Variants in EPHA3 observed in about 807,000 individuals in gnomAD.
The protein encoded by EPHA3 is ephrin type-A receptor 3.
EPHA3 carries 42 observed loss-of-function variants against 107.1 expected under a neutral mutation model. That is an observed-to-expected ratio of 0.39 (90% confidence interval 0.31 to 0.51). EPHA3 has a LOEUF of 0.51. EPHA3 is among the 20% of genes least tolerant of loss of function. The pLI is 0.78. For synonymous variants in EPHA3, 461 were observed against 424.8 expected (o/e 1.09, Z -1.05); for missense variants, 1,183 against 1,211.2 (o/e 0.98, Z 0.35).
chr3:89,403,923 A>T lies in EPHA3; in HGVS notation c.1595-3346A>T, dbSNP rs1473996214. ...CTCATATAGTAGGTACTCACTGTGCATGTGTGTTGTGTTTAAACAAATAGT... is the reference window on the plus strand; with the variant it reads ...CTCATATAGTAGGTACTCACTGTGCTTGTGTGTTGTGTTTAAACAAATAGT... On this transcript the variant is annotated intron_variant, in intron 7 of 16. Transcript: ENST00000336596. Among the ~76,000 whole-genome samples the T allele has an allele frequency of 2.6e-5, 4 of 152,188 alleles. No individual in the cohort carries two copies. The South Asian group carries it at 8.3e-4, about 31-fold the overall frequency.
chr3:89,133,144 T>A (rs776801111), intron 2 of EPHA3, among the ~76,000 whole-genome samples: 26 of 152,188 alleles, frequency 1.7e-4, no homozygotes, highest in Non-Finnish European at 3.4e-4. Flanking sequence ...CATGTCTCCT[T>A]AAATCTCAGT....
chr3:89,468,255 A>ATTTTTTT (rs35497321), intron 15 of EPHA3, among the ~76,000 whole-genome samples: 1 of 150,538 alleles, frequency 6.6e-6, no homozygotes, highest in Non-Finnish European at 1.5e-5. Flanking sequence ...AAATTAGGTC[A>ATTTTTTT]TTTTTTTTTG....
intron 3 of EPHA3, among the ~76,000 whole-genome samples, chr3:89,336,226 G>A (rs185565605): frequency 1.3e-5 from 2 of 152,248 alleles, no homozygotes; most frequent in South Asian, 4.1e-4. Context: ...TTAAATGAGA[G>A]AAATGTGTAG....
chr3:89,253,873 G>A (rs1322648236), intron 3 of EPHA3, among the ~76,000 whole-genome samples: 1 of 151,716 alleles, frequency 6.6e-6, no homozygotes, highest in Non-Finnish European at 1.5e-5. Flanking sequence ...TCATGATCTT[G>A]CATTTTGATC....
At chr3:89,234,939 C>T (rs1438505604) in intron 3 of EPHA3, among the ~76,000 whole-genome samples, 1 of 144,650 alleles carries the variant, frequency 6.9e-6, no homozygotes, top group Non-Finnish European at 1.5e-5. Context: ...CTTCCTTCCT[C>T]CCTCTCTCCC....
chr3:89,152,157 A>G (rs912298105), intron 2 of EPHA3, among the ~76,000 whole-genome samples: 2 of 152,116 alleles, frequency 1.3e-5, no homozygotes, highest in African/African-American at 4.8e-5. Context: ...CATCAACATT[A>G]TGGTGTCCTT....
chr3:89,435,355 T>G (rs1307138241), intron 13 of EPHA3, among the ~76,000 whole-genome samples: 1 of 150,626 alleles, frequency 6.6e-6, no homozygotes. Flanking sequence ...ATCTTGACAC[T>G]TCGAGAGGCC....
intron 5 of EPHA3, among the ~76,000 whole-genome samples, chr3:89,391,323 G>T (rs1449257264): frequency 6.6e-6 from 1 of 151,772 alleles, no homozygotes; most frequent in Non-Finnish European, 1.5e-5. Flanking sequence ...TCAGCTGTGT[G>T]ATGCATAAGC....
chr3:89,310,267 AG>A (rs1278858845), intron 3 of EPHA3, among the ~76,000 whole-genome samples: 1 of 152,100 alleles, frequency 6.6e-6, no homozygotes, highest in Non-Finnish European at 1.5e-5. Flanking sequence ...TGTAAGGGAT[AG>A]GAAAAAGATA....
chr3:89,385,526 T>A (rs575681511), intron 5 of EPHA3, among the ~76,000 whole-genome samples: 1 of 152,322 alleles, frequency 6.6e-6, no homozygotes, highest in East Asian at 1.9e-4. Context: ...CTGCCATGAT[T>A]GTAAATTTCC....
intron 9 of EPHA3, among the ~76,000 whole-genome samples, chr3:89,409,008 T>C (rs1237791370): frequency 6.6e-6 from 1 of 152,076 alleles, no homozygotes; most frequent in Non-Finnish European, 1.5e-5. Context: ...ATGATAGCTT[T>C]AGTTGTAACT....
At chr3:89,431,998 TA>T (rs1392677248) in intron 13 of EPHA3, among the ~76,000 whole-genome samples, 4 of 152,170 alleles carry the variant, frequency 2.6e-5, no homozygotes, top group African/African-American at 9.6e-5. Flanking sequence ...TGTCAATAAA[TA>T]ATCTTTAAAT....
intron 16 of EPHA3, among the ~76,000 whole-genome samples, chr3:89,474,117 A>T (rs1431635614): frequency 6.6e-6 from 1 of 152,190 alleles, no homozygotes; most frequent in South Asian, 2.1e-4. Flanking sequence ...AGAAAAGAAC[A>T]TGCCATGTAA....
At chr3:89,420,101 G>T (rs1709327569) in intron 11 of EPHA3, among the ~76,000 whole-genome samples, 2 of 151,344 alleles carry the variant, frequency 1.3e-5, no homozygotes, top group South Asian at 4.1e-4. Context: ...AGTCTCTTGA[G>T]AATACTCTGG....
chr3:89,413,796 T>A (rs980115663), intron 10 of EPHA3, among the ~76,000 whole-genome samples: 2 of 151,744 alleles, frequency 1.3e-5, no homozygotes, highest in African/African-American at 2.4e-5. Context: ...AAGCTTTTTT[T>A]AATAAATATA....
intron 11 of EPHA3, among the ~76,000 whole-genome samples, chr3:89,424,471 A>G (rs1709417631): frequency 6.6e-6 from 1 of 151,366 alleles, no homozygotes; most frequent in Non-Finnish European, 1.5e-5. Flanking sequence ...GAGAGAAAAC[A>G]AAAAGCCTGT....
At position 89,419,055 on chromosome 3, in the gene EPHA3, C is replaced by A. The variant is rs1241989835; in HGVS notation, c.1889-150C>A. 6.0e-6 allele frequency: 4 copies of A among 664,806 alleles called. No individual in the cohort carries two copies. In the African/African-American group the frequency reaches 7.4e-5, roughly 12 times the overall value. 41.2% of individuals were successfully genotyped at this position (664,806 alleles called of 1,614,324 possible). ...TAGGCAGTTTCATATGATTATCTTT[C>A]AAAATAATTTGGAGTACTAGAGTGT... On this transcript the variant is annotated intron_variant, in intron 10 of 16. Coordinates refer to ENST00000336596, the MANE Select transcript of EPHA3 (RefSeq NM_005233.6).
chr3:89,237,196 C>T (rs547781850), intron 3 of EPHA3, among the ~76,000 whole-genome samples: 2 of 152,238 alleles, frequency 1.3e-5, no homozygotes, highest in Admixed American at 6.5e-5. Context: ...AGGGCAAAAC[C>T]CTGTCTCTAC....
At chr3:89,110,391 T>C (rs377028039) in intron 1 of EPHA3, among the ~76,000 whole-genome samples, 1 of 152,068 alleles carries the variant, frequency 6.6e-6, no homozygotes, top group East Asian at 1.9e-4. Context: ...TAAACATCAA[T>C]ATTGAAATGC....
Sources: allele counts gnomAD v4.1 joint callset (sites outside exome capture counted in the v4.1 genomes callset), GRCh38; gene constraint gnomAD v4.1.1; transcripts MANE v1.5; gene names NCBI Gene and HGNC (gene_info 2026-07-23, HGNC 2026-07-21).